PACRG: variants seen among roughly 807,000 people sequenced by gnomAD.
PACRG encodes parkin coregulated gene protein.
In PACRG, 29 loss-of-function variants were observed where a neutral mutation model predicts 29.7. The observed-to-expected ratio is 0.98, with a 90% confidence interval of 0.73 to 1.33. PACRG has a LOEUF of 1.33. Ranked by LOEUF, PACRG falls within the 40% of genes most tolerant of loss-of-function variation. PACRG has a pLI of 0.00. For missense variants in PACRG, 279 were observed against 316.2 expected, an observed-to-expected ratio of 0.88 and a Z score of 0.89; for synonymous variants, 116 against 118.7, an observed-to-expected ratio of 0.98 and a Z score of 0.15.
At chr6:163,181,150 G>A (rs989765332) in intron 4 of PACRG, among the ~76,000 whole-genome samples, 1 of 152,202 alleles carries the variant, frequency 6.6e-6, no homozygotes, top group Non-Finnish European at 1.5e-5. Flanking sequence ...CTGCCACATT[G>A]ATAACTATCG....
At chr6:162,776,693 C>T (rs1405505452) in intron 1 of PACRG, among the ~76,000 whole-genome samples, 1 of 152,164 alleles carries the variant, frequency 6.6e-6, no homozygotes, top group Non-Finnish European at 1.5e-5. Context: ...AAGTGAGGGG[C>T]TTGGAGCTTA....
At position 162,787,558 on chromosome 6, in the gene PACRG, TTGTG is replaced by T. The variant is rs377437969; in HGVS notation, c.157-26567_157-26564del. Among the ~76,000 whole-genome samples, 207 of 78,822 alleles carry T rather than the reference TTGTG, an allele frequency of 2.6e-3. 2 individuals carry two copies. Among genetic ancestry groups the T allele is most frequent in the African/African-American group, 8.4e-3 (167 of 19,994 alleles). The allele number at this position is 78,822 out of a possible 152,430, so 51.7% of individuals were successfully genotyped here. On this transcript the variant is annotated intron_variant, in intron 1 of 4. Transcript: ENST00000366888. The stretch of plus-strand genomic sequence containing the variant: ...GTGTTTGTGTATATATATATGGTTA[TTGTG>T]TGTGTGTGTGTGTGTGTGTGTATAT...
chr6:162,999,350 C>G (rs538669903), intron 2 of PACRG, among the ~76,000 whole-genome samples: 31 of 152,254 alleles, frequency 2.0e-4, no homozygotes, highest in Non-Finnish European at 3.2e-4. Context: ...TTTAACTTAC[C>G]TTTGCTAATT....
intron 4 of PACRG, among the ~76,000 whole-genome samples, chr6:163,213,747 G>A (rs576836640): frequency 3.3e-5 from 5 of 152,014 alleles, no homozygotes; most frequent in Non-Finnish European, 5.9e-5. Context: ...TAGGTATTAC[G>A]AATACCCCCA....
intron 1 of PACRG, among the ~76,000 whole-genome samples, chr6:162,802,108 A>G (rs1334778558): frequency 2.0e-5 from 3 of 152,074 alleles, no homozygotes; most frequent in Non-Finnish European, 4.4e-5. Context: ...TTTTTGTGAC[A>G]TTTCTCATAT....
chr6:162,899,377 G>A (rs141156406), intron 2 of PACRG, among the ~76,000 whole-genome samples: 13 of 152,204 alleles, frequency 8.5e-5, no homozygotes, highest in Non-Finnish European at 1.9e-4. Context: ...AATGAGTCAG[G>A]GCCCAGAGGA....
intron 4 of PACRG, among the ~76,000 whole-genome samples, chr6:163,292,030 G>T (rs1784626345): frequency 6.6e-6 from 1 of 152,136 alleles, no homozygotes; most frequent in African/African-American, 2.4e-5. Flanking sequence ...TGCAACACGA[G>T]CTGAGCTAAC....
chr6:162,787,574 GTGTGTGTGTA>G (rs1305639464), intron 1 of PACRG, among the ~76,000 whole-genome samples: 17 of 60,402 alleles, frequency 2.8e-4, no homozygotes, highest in African/African-American at 1.0e-3. Flanking sequence ...GTGTGTGTGT[GTGTGTGTGTA>G]TATATATATA....
At chr6:163,157,736 C>T (rs1268481022) in intron 4 of PACRG, among the ~76,000 whole-genome samples, 4 of 152,210 alleles carry the variant, frequency 2.6e-5, no homozygotes, top group Non-Finnish European at 4.4e-5. Flanking sequence ...GTGAATTAAA[C>T]GAAGCCACAA....
In PACRG at chr6:163,249,346, T is replaced by TA. The variant is rs36007887; in HGVS notation, c.614-65472dup. On this transcript the variant is annotated intron_variant, in intron 4 of 4. Coordinates refer to ENST00000366888, the MANE Select transcript of PACRG (RefSeq NM_001080379.2). ...TTTTCAAACATAGAAATTGTCCATTTAAAAAAAAACATGCCCATTATCCAG... is the reference window on the plus strand; with the variant it reads ...TTTTCAAACATAGAAATTGTCCATTTAAAAAAAAAACATGCCCATTATCCAG... Among the ~76,000 whole-genome samples the TA allele has an allele frequency of 8.1e-3, 1,237 of 151,826 alleles. 17 individuals carry two copies. The highest frequency in any genetic ancestry group is 0.028 in the African/African-American group (1,178 of 41,442).
chr6:163,040,211 A>G (rs1203105357), intron 2 of PACRG, among the ~76,000 whole-genome samples: 1 of 152,238 alleles, frequency 6.6e-6, no homozygotes, highest in Non-Finnish European at 1.5e-5. Context: ...GTGAGCCCCA[A>G]GCATTGGCAG....
At chr6:162,994,640 T>C (rs1327939121) in intron 2 of PACRG, among the ~76,000 whole-genome samples, 1 of 146,148 alleles carries the variant, frequency 6.8e-6, no homozygotes, top group Admixed American at 6.7e-5. Flanking sequence ...TTATACATTC[T>C]TCTAAATTTT....
At chr6:162,882,958 T>G (rs1446076969) in intron 2 of PACRG, among the ~76,000 whole-genome samples, 1 of 152,234 alleles carries the variant, frequency 6.6e-6, no homozygotes, top group Non-Finnish European at 1.5e-5. Context: ...ATGGAAACCC[T>G]CAGCCAGGCT....
chr6:163,114,216 C>T (rs934590033), intron 4 of PACRG, among the ~76,000 whole-genome samples: 17 of 152,174 alleles, frequency 1.1e-4, no homozygotes, highest in African/African-American at 4.1e-4. Flanking sequence ...TGCCACTGCA[C>T]TTCAGCCTGG....
rs573163796 is a variant in PACRG, at chr6:163,262,418, A to G, written c.614-52409A>G. ...TATATATCTGTGTTTTGAGCACAGT[A>G]GGAAGAAAATCTTTGTGTAAATTCA... On this transcript the variant is annotated intron_variant, in intron 4 of 4. Transcript: ENST00000366888. Among the ~76,000 whole-genome samples the G allele has an allele frequency of 4.6e-5, 7 of 152,336 alleles. No individual in the cohort carries two copies. The South Asian group carries it at 1.2e-3, about 27-fold the overall frequency.
At chr6:162,824,302 C>T (rs1043183761) in intron 2 of PACRG, among the ~76,000 whole-genome samples, 5 of 152,062 alleles carry the variant, frequency 3.3e-5, no homozygotes, top group Admixed American at 3.3e-4. Context: ...TATTCTAGAC[C>T]TTATGTTTCT....
intron 2 of PACRG, among the ~76,000 whole-genome samples, chr6:163,058,750 T>A (rs1810822549): frequency 6.6e-6 from 1 of 151,918 alleles, no homozygotes; most frequent in Non-Finnish European, 1.5e-5. Flanking sequence ...ATACAAAAAA[T>A]TTAGCCAGGC....
At chr6:162,958,882 TATAGAG>T (rs1349182517) in intron 2 of PACRG, among the ~76,000 whole-genome samples, 13 of 15,098 alleles carry the variant, frequency 8.6e-4, no homozygotes, top group East Asian at 2.1e-3. Context: ...TATATATATA[TATAGAG>T]AGAGAGAGAG....
intron 4 of PACRG, among the ~76,000 whole-genome samples, chr6:163,200,751 A>G (rs1291702813): frequency 6.6e-6 from 1 of 152,208 alleles, no homozygotes; most frequent in Non-Finnish European, 1.5e-5. Context: ...CTTGTTTTAG[A>G]TACCTTTTTA....
Sources: allele counts gnomAD v4.1 joint callset (sites outside exome capture counted in the v4.1 genomes callset), GRCh38; gene constraint gnomAD v4.1.1; transcripts MANE v1.5; gene names NCBI Gene and HGNC (gene_info 2026-07-23, HGNC 2026-07-21).